CCDC171: variants seen among roughly 807,000 people sequenced by gnomAD.
The protein encoded by CCDC171 is coiled-coil domain-containing protein 171.
Under a neutral mutation model 168.2 loss-of-function variants are expected in CCDC171, and 177 were observed. That is an observed-to-expected ratio of 1.05 (90% CI 0.93 to 1.19). CCDC171 has a LOEUF of 1.19. Among genes scored for constraint, CCDC171 ranks in the 50% most tolerant of loss-of-function variants. The pLI, the probability that CCDC171 is intolerant of heterozygous loss-of-function variation, is 0.00. For missense variants in CCDC171, 1,991 were observed against 1,539.0 expected (o/e 1.29, Z -4.91); for synonymous variants, 687 against 540.8 (o/e 1.27, Z -3.75).
chr9:16,096,364 G>T, the CCDC171 span, among the ~76,000 whole-genome samples: 1 of 152,172 alleles, frequency 6.6e-6, no homozygotes, highest in Non-Finnish European at 1.5e-5. Context: ...CCACACCTCT[G>T]CACTCAGGAT....
intron 11 of CCDC171, among the ~76,000 whole-genome samples, chr9:15,718,747 C>T (rs1266044494): frequency 6.6e-6 from 1 of 152,212 alleles, no homozygotes; most frequent in Non-Finnish European, 1.5e-5. Context: ...GCAGGAGCCA[C>T]AGTGTTACTG....
intron 21 of CCDC171, among the ~76,000 whole-genome samples, chr9:15,841,289 C>G (rs1380497271): frequency 6.6e-6 from 1 of 151,798 alleles, no homozygotes; most frequent in Non-Finnish European, 1.5e-5. Context: ...ATAAATGAGG[C>G]AGAAATAATA....
chr9:15,854,977 A>G (rs2061292094), intron 23 of CCDC171, among the ~76,000 whole-genome samples: 1 of 151,720 alleles, frequency 6.6e-6, no homozygotes, highest in African/African-American at 2.4e-5. Context: ...TAAGTTTGTT[A>G]AAGTTCGTTG....
intron 23 of CCDC171, among the ~76,000 whole-genome samples, chr9:15,854,126 T>C (rs1352487876): frequency 6.6e-6 from 1 of 150,712 alleles, no homozygotes; most frequent in African/African-American, 2.4e-5. Context: ...TAGAATAGGT[T>C]AGGAGATGCT....
intron 25 of CCDC171, among the ~76,000 whole-genome samples, chr9:15,963,322 A>C (rs73411567): frequency 0.11 from 16,227 of 152,112 alleles, 2,252 homozygotes; most frequent in African/African-American, 0.32. Context: ...CCTAAAACTT[A>C]AAGTGTGTGA....
At position 15,839,801 on chromosome 9, in the gene CCDC171, T is replaced by A. The variant is rs527597563; in HGVS notation, c.3268-6901T>A. The stretch of plus-strand genomic sequence containing the variant: ...AGCAAACATTTGCTGTCTAGAATTT[T>A]TTCCCCCATGGACATACTTCTAAAA... On this transcript the variant is annotated intron_variant, in intron 21 of 25. Transcript: ENST00000380701. Among the ~76,000 whole-genome samples, 3 of 152,286 alleles carry A rather than the reference T, an allele frequency of 2.0e-5. No individual in the cohort carries two copies. The South Asian group carries it at 6.2e-4, about 32-fold the overall frequency.
At chr9:15,685,895 C>T (rs886514769) in intron 10 of CCDC171, among the ~76,000 whole-genome samples, 2 of 152,068 alleles carry the variant, frequency 1.3e-5, no homozygotes, top group Non-Finnish European at 2.9e-5. Context: ...TTAATAATTA[C>T]AAATGTAATA....
At chr9:15,754,428 A>T (rs1002503864) in intron 18 of CCDC171, among the ~76,000 whole-genome samples, 1 of 152,138 alleles carries the variant, frequency 6.6e-6, no homozygotes, top group Admixed American at 6.6e-5. Flanking sequence ...AGCATTGTGT[A>T]TAATACCTGG....
intron 24 of CCDC171, among the ~76,000 whole-genome samples, chr9:15,891,751 A>T (rs1820244174): frequency 1.3e-5 from 2 of 152,190 alleles, no homozygotes; most frequent in South Asian, 4.1e-4. Context: ...CCTGTTCTTT[A>T]TTTAACCCTG....
chr9:15,945,959 C>T (rs1219588963), intron 25 of CCDC171, among the ~76,000 whole-genome samples: 5 of 151,050 alleles, frequency 3.3e-5, no homozygotes, highest in South Asian at 2.1e-4. Context: ...CTTGCCCATG[C>T]CTATGTCCTG....
At chr9:15,635,245 A>T (rs1483862361) in intron 7 of CCDC171, among the ~76,000 whole-genome samples, 1 of 152,210 alleles carries the variant, frequency 6.6e-6, no homozygotes, top group Non-Finnish European at 1.5e-5. Context: ...CCAGCAGTGC[A>T]GCCTTCAGTC....
At chr9:15,939,530 A>C (rs1429109091) in intron 25 of CCDC171, among the ~76,000 whole-genome samples, 2 of 151,890 alleles carry the variant, frequency 1.3e-5, no homozygotes, top group Admixed American at 1.3e-4. Flanking sequence ...TTTCAATAAC[A>C]AAAGTGCATG....
At chr9:15,805,899 T>C (rs2059050559) in intron 21 of CCDC171, among the ~76,000 whole-genome samples, 2 of 152,140 alleles carry the variant, frequency 1.3e-5, no homozygotes, top group Admixed American at 1.3e-4. Context: ...CTAAGTCTCT[T>C]TGAAGGTCTC....
At chr9:15,713,588 G>A (rs1460635924) in intron 11 of CCDC171, among the ~76,000 whole-genome samples, 3 of 152,128 alleles carry the variant, frequency 2.0e-5, no homozygotes, top group Non-Finnish European at 2.9e-5. Context: ...TGTTGGCCAT[G>A]TATTCAGTAT....
chr9:15,623,365 A>G lies in CCDC171; in HGVS notation c.774A>G (p.Glu258=). Residue 258 remains glutamate, a synonymous_variant, in exon 7 of 26, where the codon GAA becomes GAG. Transcript: ENST00000380701. ...CSDLLRRQTS[E]LEFSTQREER... is the part of the protein sequence containing the mutation. ...ACCTTTTACGGCGACAAACAAGTGA[A>G]CTTGAATTTAGCACTCAACGAGAGG... is the stretch of plus-strand genomic sequence containing the variant. 1 of 1,612,520 alleles carries G rather than the reference A, an allele frequency of 6.2e-7. No individual in the cohort carries two copies. The highest frequency in any genetic ancestry group is 8.5e-7 in the Non-Finnish European group (1 of 1,179,062).
chr9:15,703,357 A>T (rs1366811158), intron 11 of CCDC171, among the ~76,000 whole-genome samples: 1 of 152,222 alleles, frequency 6.6e-6, no homozygotes, highest in Non-Finnish European at 1.5e-5. Flanking sequence ...TGTGAACTAG[A>T]AACCTTCTAG....
At chr9:16,059,760 C>T (rs1301015739) in intron 1 of CCDC171, among the ~76,000 whole-genome samples, 1 of 150,356 alleles carries the variant, frequency 6.7e-6, no homozygotes, top group African/African-American at 2.4e-5. Context: ...ATGATCCACC[C>T]GCCTCGGCCT....
chr9:16,108,052 C>T, the CCDC171 span, among the ~76,000 whole-genome samples: 3 of 152,098 alleles, frequency 2.0e-5, no homozygotes, highest in African/African-American at 7.2e-5. Context: ...TCAGGGTCAG[C>T]GGTATAAACT....
At chr9:15,662,979 TCAACAACAACAACAA>T (rs139672521) in intron 8 of CCDC171, among the ~76,000 whole-genome samples, 11 of 150,240 alleles carry the variant, frequency 7.3e-5, no homozygotes, top group Admixed American at 4.0e-4. Context: ...AGACTTCGTC[TCAACAACAACAACAA>T]CAACAACAAC....
Sources: gnomAD v4.1 joint callset for allele counts (sites outside exome capture counted in the v4.1 genomes callset) on GRCh38, gnomAD v4.1.1 for gene constraint, MANE v1.5 for transcripts, NCBI Gene and HGNC (gene_info 2026-07-23, HGNC 2026-07-21) for gene names.